Variants in MITF observed in about 807,000 individuals in gnomAD.
MITF encodes microphthalmia-associated transcription factor.
MITF carries 17 observed loss-of-function variants against 60.5 expected under a neutral mutation model. That is an observed-to-expected ratio of 0.28 (90% CI 0.19 to 0.42). MITF has a LOEUF of 0.42. Ranked by LOEUF, MITF falls within the 10% of genes least tolerant of loss-of-function variation. MITF has a pLI of 1.00. For missense variants in MITF, 622 were observed against 683.5 expected (o/e 0.91, Z 1.00); for synonymous variants, 260 against 248.5 (o/e 1.05, Z -0.43).
chr3:69,808,028 A>C (rs1396182374), intron 1 of MITF, among the ~76,000 whole-genome samples: 1 of 149,472 alleles, frequency 6.7e-6, no homozygotes, highest in African/African-American at 2.4e-5. Context: ...ATAAATAAAA[A>C]TGGGAGCATT....
At chr3:69,883,337 C>A (rs753464481) in intron 2 of MITF, among the ~76,000 whole-genome samples, 40 of 152,146 alleles carry the variant, frequency 2.6e-4, no homozygotes, top group African/African-American at 9.2e-4. Flanking sequence ...TGGTGGTTAT[C>A]TCGTCAAAGT....
In MITF at chr3:69,816,441, T is replaced by C. The variant is rs561442625; in HGVS notation, c.105-62693T>C. On this transcript the variant is annotated intron_variant, in intron 1 of 9. Coordinates refer to ENST00000352241, the MANE Select transcript of MITF (RefSeq NM_001354604.2). ...TCCTTTGGGAACCACAGTCGTGAAC[T>C]GTTGTTTAATAACTGAAAACTCTTG... Among the ~76,000 whole-genome samples the C allele has an allele frequency of 2.8e-4, 42 of 152,302 alleles. 1 individual carries two copies. In the South Asian group the frequency reaches 8.5e-3, roughly 31 times the overall value.
intron 1 of MITF, among the ~76,000 whole-genome samples, chr3:69,783,951 T>C (rs1056551881): frequency 1.3e-5 from 2 of 152,200 alleles, no homozygotes; most frequent in Non-Finnish European, 1.5e-5. Context: ...AGATTCAACT[T>C]AATTTTGTCT....
chr3:69,857,177 T>G (rs1454581825), intron 1 of MITF, among the ~76,000 whole-genome samples: 1 of 152,090 alleles, frequency 6.6e-6, no homozygotes, highest in Non-Finnish European at 1.5e-5. Context: ...AAGAGGCAAC[T>G]CCAGTGCAAG....
At chr3:69,748,560 C>T (rs957609286) in intron 1 of MITF, among the ~76,000 whole-genome samples, 4 of 152,112 alleles carry the variant, frequency 2.6e-5, no homozygotes, top group Admixed American at 1.3e-4. Context: ...ACTTTCACAA[C>T]GAAAAATACT....
At chr3:69,869,274 C>T (rs547544556) in intron 1 of MITF, among the ~76,000 whole-genome samples, 2 of 152,262 alleles carry the variant, frequency 1.3e-5, no homozygotes, top group East Asian at 3.9e-4. Context: ...CAGATTGGAC[C>T]AGGTCATGAA....
chr3:69,962,974 C>G (rs1385874805), intron 9 of MITF, among the ~76,000 whole-genome samples: 1 of 152,150 alleles, frequency 6.6e-6, no homozygotes, highest in Non-Finnish European at 1.5e-5. Context: ...TTGTAGATGC[C>G]TGTCTTCTCC....
At chr3:69,762,763 G>A (rs2062230361) in intron 1 of MITF, 1 of 223,350 alleles carries the variant, frequency 4.5e-6, no homozygotes, top group East Asian at 6.5e-5. Context: ...ATCTCTCCAT[G>A]AGTCTGAGCA....
At chr3:69,959,838 C>T (rs1206632826) in intron 9 of MITF, among the ~76,000 whole-genome samples, 1 of 152,172 alleles carries the variant, frequency 6.6e-6, no homozygotes, top group African/African-American at 2.4e-5. Flanking sequence ...TGCTAAAGCA[C>T]TGTCTAGAGT....
intron 1 of MITF, among the ~76,000 whole-genome samples, chr3:69,805,662 T>C (rs561377127): frequency 6.6e-6 from 1 of 152,064 alleles, no homozygotes; most frequent in South Asian, 2.1e-4. Flanking sequence ...AAAAAATGCA[T>C]CTTTCTTTTT....
intron 1 of MITF, among the ~76,000 whole-genome samples, chr3:69,815,683 A>G (rs1459152913): frequency 2.0e-5 from 3 of 152,182 alleles, no homozygotes; most frequent in Non-Finnish European, 4.4e-5. Context: ...GTCAAAAGTT[A>G]TATGTGGATT....
chr3:69,749,024 G>A (rs1703831557), intron 1 of MITF, among the ~76,000 whole-genome samples: 1 of 152,140 alleles, frequency 6.6e-6, no homozygotes, highest in East Asian at 1.9e-4. Flanking sequence ...TAGGAAGCAT[G>A]TTTTTCAAAA....
chr3:69,898,302 G>T (rs76197426), intron 2 of MITF, among the ~76,000 whole-genome samples: 2,139 of 152,350 alleles, frequency 0.014, 21 homozygotes, highest in Middle Eastern at 0.048. Flanking sequence ...CCTGTGTCAG[G>T]AGAGAGCAGG....
chr3:69,959,354 A>G lies in MITF; in HGVS notation c.1113A>G (p.Ala371=). The change falls in exon 9 of 10, where the codon GCA becomes GCG. Residue 371 remains alanine (A), a synonymous_variant. Transcript: ENST00000352241. ...AGTTGCAACGAGAACAGCAACGCGCAAAAGAACTTGAAAACCGACAGAAGA... is the reference window on the plus strand; with the variant it reads ...AGTTGCAACGAGAACAGCAACGCGCGAAAGAACTTGAAAACCGACAGAAGA... ...IRKLQREQQR[A]KELENRQKKL... 6.2e-7 allele frequency: 1 copy of G among 1,614,072 alleles called. No homozygotes were observed. The highest frequency in any genetic ancestry group is 8.5e-7 in the Non-Finnish European group (1 of 1,179,954).
intron 2 of MITF, among the ~76,000 whole-genome samples, chr3:69,885,052 G>A (rs1032180662): frequency 1.3e-5 from 2 of 152,002 alleles, no homozygotes; most frequent in African/African-American, 4.8e-5. Context: ...ATGTAACTGA[G>A]GGGTACAGCA....
At chr3:69,924,444 A>C (rs1273671045) in intron 2 of MITF, among the ~76,000 whole-genome samples, 1 of 152,210 alleles carries the variant, frequency 6.6e-6, no homozygotes, top group East Asian at 1.9e-4. Flanking sequence ...CCTTTTATGG[A>C]GAAAGAGGAC....
At chr3:69,819,522 T>C (rs1168278023) in intron 1 of MITF, among the ~76,000 whole-genome samples, 1 of 152,184 alleles carries the variant, frequency 6.6e-6, no homozygotes, top group African/African-American at 2.4e-5. Context: ...TGTGAACTTG[T>C]CCAGGAAGTT....
intron 1 of MITF, among the ~76,000 whole-genome samples, chr3:69,784,302 G>C (rs946982031): frequency 6.6e-6 from 1 of 152,078 alleles, no homozygotes; most frequent in Non-Finnish European, 1.5e-5. Context: ...TGTAATCAAT[G>C]CTTTTCAGAA....
At chr3:69,814,104 T>C (rs2063143088) in intron 1 of MITF, among the ~76,000 whole-genome samples, 2 of 152,200 alleles carry the variant, frequency 1.3e-5, no homozygotes, top group South Asian at 4.2e-4. Flanking sequence ...GATTTCCTTT[T>C]CGACCTATTT....
Sources: gnomAD v4.1 joint callset for allele counts (sites outside exome capture counted in the v4.1 genomes callset) on GRCh38, gnomAD v4.1.1 for gene constraint, MANE v1.5 for transcripts, NCBI Gene and HGNC (gene_info 2026-07-23, HGNC 2026-07-21) for gene names.